THADA: variants seen among roughly 807,000 people sequenced by gnomAD.
THADA encodes tRNA (32-2'-O)-methyltransferase regulator THADA.
THADA carries 213 observed loss-of-function variants against 219.8 expected under a neutral mutation model. The observed-to-expected ratio is 0.97, with a 90% CI of 0.87 to 1.09. The LOEUF (loss-of-function observed/expected upper bound fraction) is 1.09. Among genes scored for constraint, THADA ranks in the 50% least tolerant of loss-of-function variants. The pLI is 0.00. For missense variants in THADA, 2,956 were observed against 2,311.3 expected, an observed-to-expected ratio of 1.28 and a Z score of -5.72; for synonymous variants, 1,018 against 828.9, an observed-to-expected ratio of 1.23 and a Z score of -3.92.
rs1446923806 is a variant in THADA at position 43,297,510 on chromosome 2, C to T, written c.4439-4297G>A. Among the ~76,000 whole-genome samples, 8 of 104,402 alleles carry T rather than the reference C, an allele frequency of 7.7e-5. 1 individual carries two copies. Among genetic ancestry groups the T allele is most frequent in the East Asian group, 4.7e-4 (2 of 4,254 alleles). The allele number at this position is 104,402 out of a possible 152,430, so 68.5% of individuals were successfully genotyped here. On this transcript the variant is annotated intron_variant, in intron 31 of 37. Coordinates refer to ENST00000405975, the MANE Select transcript of THADA (RefSeq NM_022065.5). ...TCCGGGAGGGAGGTGGGCGGTCAGC[C>T]CCCCCGCCCGGCCAGCCGTGCCGTC... is the stretch of plus-strand genomic sequence containing the variant.
intron 28 of THADA, among the ~76,000 whole-genome samples, chr2:43,410,106 G>C (rs1676095689): frequency 6.6e-6 from 1 of 151,842 alleles, no homozygotes; most frequent in South Asian, 2.1e-4. Flanking sequence ...AGACACTTCA[G>C]CAAAGAAGAT....
intron 21 of THADA, 99 bp from the exon 22 acceptor site, chr2:43,528,087 T>C (rs938924696): frequency 9.3e-6 from 7 of 751,826 alleles, no homozygotes; most frequent in Non-Finnish European, 1.6e-5. Flanking sequence ...TAGGGGTCCA[T>C]TCATTTAGCG....
At position 43,541,331 on chromosome 2, in the gene THADA, AAC is replaced by A. The variant is rs1491396113; in HGVS notation, c.3107-17_3107-16del. 116 of 1,611,576 alleles carry A rather than the reference AAC, an allele frequency of 7.2e-5. No homozygotes were observed. The highest frequency in any genetic ancestry group is 9.5e-5 in the Non-Finnish European group (112 of 1,179,020). On this transcript the variant is annotated splice_polypyrimidine_tract_variant and intron_variant, in intron 20 of 37. Transcript: ENST00000405975. ...TACTTCTTTACCTTAAACAAAAAAA[AAC>A]ACAACGATTGCAACCTTGATTACTC...
chr2:43,583,319 C>G (rs1700659878), intron 7 of THADA, among the ~76,000 whole-genome samples: 1 of 152,190 alleles, frequency 6.6e-6, no homozygotes, highest in Non-Finnish European at 1.5e-5. Context: ...TTGGTTCTAC[C>G]TTCAAAATAC....
At chr2:43,259,690 C>T (rs1670725350) in intron 36 of THADA, among the ~76,000 whole-genome samples, 1 of 152,168 alleles carries the variant, frequency 6.6e-6, no homozygotes. Flanking sequence ...TTTTTAACTG[C>T]TGCATAGTAT....
chr2:43,494,711 T>C (rs1558853151), intron 25 of THADA, among the ~76,000 whole-genome samples: 1 of 152,232 alleles, frequency 6.6e-6, no homozygotes, highest in South Asian at 2.1e-4. Context: ...GATTATGTGT[T>C]ATCTATCCTT....
At chr2:43,397,416 C>A (rs1674209333) in intron 29 of THADA, among the ~76,000 whole-genome samples, 1 of 152,064 alleles carries the variant, frequency 6.6e-6, no homozygotes, top group Non-Finnish European at 1.5e-5. Context: ...GTATGTTATT[C>A]TTTTCTAGAA....
intron 31 of THADA, among the ~76,000 whole-genome samples, chr2:43,307,547 G>C (rs1677006846): frequency 6.6e-6 from 1 of 152,206 alleles, no homozygotes; most frequent in Non-Finnish European, 1.5e-5. Flanking sequence ...ACCCAGAGTA[G>C]AGACCTTGTA....
intron 26 of THADA, among the ~76,000 whole-genome samples, chr2:43,447,157 A>G (rs1681680609): frequency 6.6e-6 from 1 of 152,178 alleles, no homozygotes; most frequent in African/African-American, 2.4e-5. Flanking sequence ...AAGCAAAGGG[A>G]GAAAAGCCCC....
chr2:43,266,460 G>A (rs974721652), intron 36 of THADA, among the ~76,000 whole-genome samples: 2 of 152,132 alleles, frequency 1.3e-5, no homozygotes, highest in Admixed American at 6.5e-5. Context: ...AAAGTTAGCC[G>A]GGCGTGGTGG....
At position 43,485,339 on chromosome 2, in the gene THADA, G is replaced by T; in HGVS notation, c.3745-14C>A. 1 of 1,578,602 alleles carries T rather than the reference G, an allele frequency of 6.3e-7. No homozygotes were observed. Among genetic ancestry groups the T allele is most frequent in the Non-Finnish European group, 8.7e-7 (1 of 1,149,968 alleles). Reference sequence around the variant, plus strand: ...TGAATTTCGCACCTAATGTACAAACGAAAACACAATAAGGCTTAAATATTC... The same window carrying T: ...TGAATTTCGCACCTAATGTACAAACTAAAACACAATAAGGCTTAAATATTC... On this transcript the variant is annotated splice_polypyrimidine_tract_variant and intron_variant, in intron 25 of 37. Coordinates refer to ENST00000405975, the MANE Select transcript of THADA (RefSeq NM_022065.5).
intron 21 of THADA, 21 bp from the exon 22 acceptor site, chr2:43,528,009 C>T (rs1299144426): frequency 6.4e-7 from 1 of 1,561,038 alleles, no homozygotes; most frequent in Non-Finnish European, 8.8e-7. Flanking sequence ...AAAGCAAAAA[C>T]AAATGTCCGA....
Position 43,575,032 on chromosome 2 carries a change from AG to A in THADA, c.1038-6del. The stretch of plus-strand genomic sequence containing the variant: ...TCCAGCGTTGGCTCTTTAATCCTGA[AG>A]AAAAATGAGCCATGAGCCATTATTG... On this transcript the variant is annotated splice_region_variant and splice_polypyrimidine_tract_variant and intron_variant, in intron 10 of 37. Transcript: ENST00000405975. 1 of 1,590,520 alleles carries A rather than the reference AG, an allele frequency of 6.3e-7. No homozygotes were observed. Among genetic ancestry groups the A allele is most frequent in the Non-Finnish European group, 8.5e-7 (1 of 1,169,826 alleles).
At chr2:43,528,064 T>C (rs1693387613) in intron 21 of THADA, 76 bp from the exon 22 acceptor site, 1 of 1,048,184 alleles carries the variant, frequency 9.5e-7, no homozygotes, top group Non-Finnish European at 1.5e-6. Context: ...TAACACTGTT[T>C]AGAACCCAGG....
intron 30 of THADA, among the ~76,000 whole-genome samples, chr2:43,335,666 T>TA (rs1430457729): frequency 2.0e-5 from 3 of 151,950 alleles, no homozygotes; most frequent in Non-Finnish European, 4.4e-5. Context: ...AGCTTCAACT[T>TA]AAAAAAACTG....
At chr2:43,338,567 G>A (rs1429083822) in intron 30 of THADA, among the ~76,000 whole-genome samples, 1 of 152,044 alleles carries the variant, frequency 6.6e-6, no homozygotes, top group Non-Finnish European at 1.5e-5. Context: ...CTGTCTCTAG[G>A]TCTTGACTAC....
chr2:43,525,644 G>A (rs1259593976), intron 22 of THADA, among the ~76,000 whole-genome samples: 1 of 152,162 alleles, frequency 6.6e-6, no homozygotes, highest in African/African-American at 2.4e-5. Context: ...GGTCCCTTGT[G>A]ACCAGTTCAT....
intron 31 of THADA, among the ~76,000 whole-genome samples, chr2:43,300,980 A>G (rs546957346): frequency 6.6e-6 from 1 of 152,332 alleles, no homozygotes; most frequent in East Asian, 1.9e-4. Flanking sequence ...CAGGTATTTT[A>G]AAAACCACTG....
intron 36 of THADA, among the ~76,000 whole-genome samples, chr2:43,248,148 TATATATATATATATATAG>T (rs1459366723): frequency 7.6e-5 from 7 of 92,218 alleles, no homozygotes; most frequent in Middle Eastern, 5.0e-3. Context: ...TATATATATA[TATATATATATATATATAG>T]AGAGAGAGAG....
Sources: gnomAD v4.1 joint callset for allele counts (sites outside exome capture counted in the v4.1 genomes callset) on GRCh38, gnomAD v4.1.1 for gene constraint, MANE v1.5 for transcripts, NCBI Gene and HGNC (gene_info 2026-07-23, HGNC 2026-07-21) for gene names.